GLIS3: variants seen among roughly 807,000 people sequenced by gnomAD.
The protein encoded by GLIS3 is GLIS family zinc finger 3.
In GLIS3, 53 loss-of-function variants were observed where a neutral mutation model predicts 78.6. The ratio of observed to expected loss-of-function variants is 0.67; its 90% CI spans 0.54 to 0.85. The LOEUF (loss-of-function observed/expected upper bound fraction) is 0.85, where lower values mean the gene tolerates loss of function less well. GLIS3 is among the 40% of genes least tolerant of loss of function. GLIS3 has a pLI of 0.00. For missense variants in GLIS3, 1,703 were observed against 1,231.1 expected, an observed-to-expected ratio of 1.38 and a Z score of -5.74; for synonymous variants, 684 against 509.9, an observed-to-expected ratio of 1.34 and a Z score of -4.60.
intron 9 of GLIS3, among the ~76,000 whole-genome samples, chr9:3,842,949 T>C (rs1818812588): frequency 6.6e-6 from 1 of 152,118 alleles, no homozygotes; most frequent in East Asian, 1.9e-4. Context: ...CTCTTGGGGA[T>C]AAGGTGGTGA....
chr9:4,273,248 T>C (rs1187886041), intron 2 of GLIS3, among the ~76,000 whole-genome samples: 1 of 152,152 alleles, frequency 6.6e-6, no homozygotes, highest in East Asian at 1.9e-4. Flanking sequence ...CTCACACAGA[T>C]GTGTAATCAA....
At chr9:4,377,775 G>T in the GLIS3 span, among the ~76,000 whole-genome samples, 1 of 152,102 alleles carries the variant, frequency 6.6e-6, no homozygotes, top group African/African-American at 2.4e-5. Flanking sequence ...GCAATAATCT[G>T]AAAGTTGCAC....
At chr9:4,286,565 T>C in intron 1 of GLIS3, 42 bp from the exon 2 acceptor site, 9 of 981,142 alleles carry the variant, frequency 9.2e-6, no homozygotes, top group Non-Finnish European at 1.4e-5. Context: ...AAAGCAAAAA[T>C]GAAAATAAGA....
intron 4 of GLIS3, 28 bp downstream of exon 4, chr9:4,117,740 G>C (rs992915819): frequency 1.9e-6 from 3 of 1,613,936 alleles, no homozygotes; most frequent in Admixed American, 1.7e-5. Context: ...CTTCAAGAGA[G>C]GTCACCCCTT....
chr9:4,118,443 C>T lies in GLIS3; in HGVS notation c.1035G>A (p.Pro345=), dbSNP rs1242383503. ...CGCCCAGGAAATGCCCGTAGACCTC[C>T]GGCTGCGGGGACAGGTTGGCCGGCG... ...RASPANLSPQ[P]EVYGHFLGVR... The change falls in exon 4 of 11, where the codon CCG becomes CCA. Residue 345 remains proline, a synonymous_variant. Transcript: ENST00000381971. This position sits in a 1 kb window ranked among gnomAD's most constrained non-coding sequence, Gnocchi z 4.7. The T allele has an allele frequency of 1.2e-6, 2 of 1,612,714 alleles. No individual in the cohort carries two copies. The highest frequency in any genetic ancestry group is 4.5e-5 in the East Asian group (2 of 44,874).
In GLIS3 at chr9:4,118,492, G is replaced by A. The variant is rs776646791; in HGVS notation, c.986C>T (p.Ala329Val). ...IIRTSPTSLV[A>V]YINGSRASPA... Reference sequence around the variant, plus strand: ...CGAAGCCCTCGACCCGTTGATGTAGGCCACCAAGGACGTGGGCGACGTGCG... The same window carrying A: ...CGAAGCCCTCGACCCGTTGATGTAGACCACCAAGGACGTGGGCGACGTGCG... Residue 329 changes from alanine to valine, a missense_variant, in exon 4 of 11, where the codon GCC (alanine) becomes GTC (valine). Transcript: ENST00000381971. The surrounding 1 kb of genome is among the most constrained non-coding windows in gnomAD (Gnocchi z 4.7). 20 of 1,614,160 alleles carry A rather than the reference G, an allele frequency of 1.2e-5. No homozygotes were observed. Among genetic ancestry groups the A allele is most frequent in the Non-Finnish European group, 1.7e-5 (20 of 1,180,026 alleles).
chr9:4,166,775 C>G (rs758050519), intron 2 of GLIS3, among the ~76,000 whole-genome samples: 1 of 152,226 alleles, frequency 6.6e-6, no homozygotes, highest in Non-Finnish European at 1.5e-5. Flanking sequence ...CTCATGTGTT[C>G]TCAGCATGAA....
the GLIS3 span, among the ~76,000 whole-genome samples, chr9:4,387,163 A>C: frequency 5.3e-5 from 8 of 152,348 alleles, 1 homozygote; most frequent in Non-Finnish European, 1.2e-4. Flanking sequence ...GATGTGCAGC[A>C]GGAAAAAAAC....
the GLIS3 span, among the ~76,000 whole-genome samples, chr9:4,474,983 TA>T: frequency 7.0e-6 from 1 of 142,532 alleles, no homozygotes; most frequent in Non-Finnish European, 1.5e-5. Context: ...TGGACTATGT[TA>T]ATTTTTTTTT....
At chr9:4,471,999 T>C in the GLIS3 span, among the ~76,000 whole-genome samples, 4 of 151,940 alleles carry the variant, frequency 2.6e-5, no homozygotes, top group Non-Finnish European at 5.9e-5. Flanking sequence ...AACAAACACA[T>C]GAAAAAATGC....
At chr9:4,169,892 T>C (rs1250677492) in intron 2 of GLIS3, among the ~76,000 whole-genome samples, 1 of 152,196 alleles carries the variant, frequency 6.6e-6, no homozygotes, top group Non-Finnish European at 1.5e-5. Flanking sequence ...TAATAAAGGA[T>C]AGGAATATAA....
intron 6 of GLIS3, among the ~76,000 whole-genome samples, chr9:3,919,203 A>T (rs979652887): frequency 6.6e-6 from 1 of 152,214 alleles, no homozygotes; most frequent in South Asian, 2.1e-4. Flanking sequence ...CATGCCAAGA[A>T]CTTGTTGATA....
intron 2 of GLIS3, among the ~76,000 whole-genome samples, chr9:4,242,888 C>A (rs994942197): frequency 2.6e-5 from 4 of 151,960 alleles, no homozygotes; most frequent in Non-Finnish European, 5.9e-5. Context: ...TTTAATGTGG[C>A]TACTAAAATT....
At chr9:4,143,529 T>G (rs374335715) in intron 2 of GLIS3, among the ~76,000 whole-genome samples, 2 of 151,312 alleles carry the variant, frequency 1.3e-5, no homozygotes, top group Non-Finnish European at 2.9e-5. Flanking sequence ...ATTGCACCAC[T>G]GCACTCCAGC....
intron 4 of GLIS3, among the ~76,000 whole-genome samples, chr9:4,040,825 T>G (rs900992731): frequency 6.6e-6 from 1 of 152,218 alleles, no homozygotes; most frequent in Non-Finnish European, 1.5e-5. Context: ...GGGTCATTGT[T>G]CTTTAGGTAA....
intron 2 of GLIS3, among the ~76,000 whole-genome samples, chr9:4,275,962 G>A (rs1826942951): frequency 2.0e-5 from 3 of 151,910 alleles, no homozygotes; most frequent in Admixed American, 2.0e-4. Flanking sequence ...CAAGTCCAAG[G>A]CTGTTCCCCT....
At chr9:4,298,929 A>G (rs913241354) in intron 1 of GLIS3, among the ~76,000 whole-genome samples, 5 of 152,158 alleles carry the variant, frequency 3.3e-5, no homozygotes, top group African/African-American at 1.2e-4. Flanking sequence ...ACTTGAAAAG[A>G]CAACTACAGC....
chr9:4,397,291 C>A, the GLIS3 span, among the ~76,000 whole-genome samples: 2 of 151,000 alleles, frequency 1.3e-5, no homozygotes, highest in African/African-American at 2.5e-5. Context: ...TCCCAAAGTG[C>A]TGGGATTACA....
chr9:4,011,061 A>T (rs1821965890), intron 4 of GLIS3, among the ~76,000 whole-genome samples: 1 of 152,124 alleles, frequency 6.6e-6, no homozygotes, highest in South Asian at 2.1e-4. Context: ...TGGACTGACC[A>T]CTCACTTACA....
Sources: allele counts gnomAD v4.1 joint callset (sites outside exome capture counted in the v4.1 genomes callset), GRCh38; gene constraint gnomAD v4.1.1; non-coding constraint Gnocchi (gnomAD v3.1); transcripts MANE v1.5; gene names NCBI Gene and HGNC (gene_info 2026-07-23, HGNC 2026-07-21).